Variants in DIAPH1 observed in about 807,000 individuals in gnomAD.
DIAPH1 encodes the protein protein diaphanous homolog 1.
In DIAPH1, 46 loss-of-function variants were observed where a neutral mutation model predicts 140.7. That is an observed-to-expected ratio of 0.33 (90% CI 0.26 to 0.42). The LOEUF is 0.42. Ranked by LOEUF, DIAPH1 falls within the 10% of genes least tolerant of loss-of-function variation. The probability of loss-of-function intolerance (pLI) is 1.00; values close to 1 mark genes in which losing one functional copy is unlikely to be tolerated. For synonymous variants in DIAPH1, 565 were observed against 551.6 expected (o/e 1.02, Z -0.34); for missense variants, 1,310 against 1,558.7 (o/e 0.84, Z 2.69).
chr5:141,537,724 GA>G (rs1050354271), intron 18 of DIAPH1, among the ~76,000 whole-genome samples: 2 of 151,646 alleles, frequency 1.3e-5, no homozygotes, highest in Non-Finnish European at 2.9e-5. Flanking sequence ...GACTTAAATG[GA>G]AAAAAAAGTT....
chr5:141,559,519 G>A (rs2099893190), intron 18 of DIAPH1, among the ~76,000 whole-genome samples: 1 of 152,210 alleles, frequency 6.6e-6, no homozygotes, highest in Non-Finnish European at 1.5e-5. Context: ...AGAACCAGAT[G>A]CTGAGAGTTA....
chr5:141,564,863 A>AC, intron 18 of DIAPH1: 1 of 152,336 alleles, frequency 6.6e-6, no homozygotes, highest in Admixed American at 6.5e-5. Context: ...TAAGAAAGAT[A>AC]ACCCCTGGTG....
At chr5:141,588,909 C>G (rs2099897950) in intron 1 of DIAPH1, 1 of 152,304 alleles carries the variant, frequency 6.6e-6, no homozygotes, top group Non-Finnish European at 1.5e-5. Flanking sequence ...GATCCGCCAT[C>G]TGGATATATT....
At position 141,529,584 on chromosome 5, in the gene DIAPH1, G is replaced by C; in HGVS notation, c.2676+19C>G. 1.9e-6 allele frequency: 3 copies of C among 1,599,944 alleles called. No individual in the cohort carries two copies. The highest frequency in any genetic ancestry group is 2.6e-6 in the Non-Finnish European group (3 of 1,167,070). On this transcript the variant is annotated intron_variant, in intron 20 of 27. Transcript: ENST00000389054. ...CGACACAGAAGAGCCTGCTCCAGCA[G>C]AACCACCTTACTCCTTACCTGGATC...
intron 18 of DIAPH1, chr5:141,561,708 A>T (rs2099893568): frequency 6.6e-6 from 1 of 152,220 alleles, no homozygotes; most frequent in Non-Finnish European, 1.5e-5. Flanking sequence ...ATTTGTTTTT[A>T]ATATGAAACA....
At position 141,527,699 on chromosome 5, in the gene DIAPH1, T is replaced by TAAAAAAAAA. The variant is rs79558427; in HGVS notation, c.3149-11_3149-3dup. 1.5e-4 allele frequency: 174 copies of TAAAAAAAAA among 1,132,390 alleles called. No homozygotes were observed. Among genetic ancestry groups the TAAAAAAAAA allele is most frequent in the East Asian group, 4.7e-4 (13 of 27,514 alleles). 70.1% of individuals were successfully genotyped at this position (1,132,390 alleles called of 1,614,324 possible). ...TCTTTTGCAAGTTTTCAGCAGAAAC[T>TAAAAAAAAA]AAAAAAAAAAAAAAAAAAAAAAACC... On this transcript the variant is annotated splice_polypyrimidine_tract_variant and splice_region_variant and intron_variant, in intron 23 of 27. Coordinates refer to ENST00000389054, the MANE Select transcript of DIAPH1 (RefSeq NM_005219.5).
At chr5:141,526,589 C>T in intron 24 of DIAPH1, 128 bp from the exon 25 acceptor site, 1 of 1,101,104 alleles carries the variant, frequency 9.1e-7, no homozygotes. Flanking sequence ...TTTATAACAG[C>T]AAAAACCAAA....
At chr5:141,595,537 T>C (rs1455960008) in intron 1 of DIAPH1, among the ~76,000 whole-genome samples, 1 of 152,196 alleles carries the variant, frequency 6.6e-6, no homozygotes, top group Non-Finnish European at 1.5e-5. Flanking sequence ...GCTGTTCTCA[T>C]GATATCAAGT....
intron 18 of DIAPH1, 50 bp from the exon 19 acceptor site, chr5:141,534,483 T>G: frequency 6.7e-7 from 1 of 1,483,936 alleles, no homozygotes; most frequent in South Asian, 1.1e-5. Context: ...GCCACCTCTG[T>G]GCTTTACCAA....
At chr5:141,517,913 G>A (rs1318450405) in intron 27 of DIAPH1, among the ~76,000 whole-genome samples, 3 of 152,198 alleles carry the variant, frequency 2.0e-5, no homozygotes, top group Admixed American at 2.0e-4. Flanking sequence ...TATGGCCCCA[G>A]TATCTGCAGC....
chr5:141,618,877 C>G lies in DIAPH1; in HGVS notation c.38G>C (p.Gly13Ala). ...PPGGSLGPGR[G>A]TRDKKKGRSP... is the part of the protein sequence containing the mutation. The stretch of plus-strand genomic sequence containing the variant: ...CCGGCCCTTCTTCTTGTCCCGGGTC[C>G]CGCGGCCGGGCCCCAGGCTCCCGCC... Residue 13 changes from glycine (G) to alanine (A), a missense_variant, in exon 1 of 28, where the codon GGG becomes GCG. This residue lies in a region of DIAPH1 where 377 missense variants were observed against 497.1 expected (regional missense o/e 0.76). Coordinates refer to ENST00000389054, the MANE Select transcript of DIAPH1 (RefSeq NM_005219.5). The G allele has an allele frequency of 6.6e-7, 1 of 1,521,648 alleles. No individual in the cohort carries two copies. Among genetic ancestry groups the G allele is most frequent in the Non-Finnish European group, 8.8e-7 (1 of 1,134,488 alleles). The allele number at this position is 1,521,648 out of a possible 1,614,324, so 94.3% of individuals were successfully genotyped here.
intron 18 of DIAPH1, among the ~76,000 whole-genome samples, chr5:141,554,941 G>C (rs2099892329): frequency 1.3e-5 from 2 of 152,264 alleles, no homozygotes; most frequent in Middle Eastern, 3.4e-3. Context: ...CTTCAGGATG[G>C]TGGGTACTCT....
In DIAPH1 at chr5:141,527,698, C is replaced by CAAAAAAAAAAA; in HGVS notation, c.3149-2_3149-1insTTTTTTTTTTT. On this transcript the variant is annotated splice_acceptor_variant, in intron 23 of 27. Coordinates refer to ENST00000389054, the MANE Select transcript of DIAPH1 (RefSeq NM_005219.5). LOFTEE classifies it high-confidence loss of function. The stretch of plus-strand genomic sequence containing the variant: ...TTCTTTTGCAAGTTTTCAGCAGAAA[C>CAAAAAAAAAAA]TAAAAAAAAAAAAAAAAAAAAAAAC... The CAAAAAAAAAAA allele has an allele frequency of 2.2e-5, 8 of 371,266 alleles. No homozygotes were observed. The highest frequency in any genetic ancestry group is 1.3e-4 in the South Asian group (2 of 15,294). 23.0% of individuals were successfully genotyped at this position (371,266 alleles called of 1,614,324 possible).
rs761914899 is a variant in DIAPH1, at chr5:141,544,680, AC to A, written c.2483-10248del. 3.9e-5 allele frequency among the ~76,000 whole-genome samples: 6 copies of A among 152,330 alleles called. No homozygotes were observed. The East Asian group carries it at 9.6e-4, about 24-fold the overall frequency. ...GGAATTAAACTCATTAGGAATTAAA[AC>A]TACAAAGTCTAACCTTTTAAAATCA... On this transcript the variant is annotated intron_variant, in intron 18 of 27. Coordinates refer to ENST00000389054, the MANE Select transcript of DIAPH1 (RefSeq NM_005219.5).
chr5:141,590,172 T>C lies in DIAPH1; in HGVS notation c.118-1922A>G, dbSNP rs78702924. Among the ~76,000 whole-genome samples the C allele has an allele frequency of 5.0e-3, 767 of 152,362 alleles. 4 individuals carry two copies. Among genetic ancestry groups the C allele is most frequent in the African/African-American group, 0.017 (695 of 41,584 alleles). On this transcript the variant is annotated intron_variant, in intron 1 of 27. Coordinates refer to ENST00000389054, the MANE Select transcript of DIAPH1 (RefSeq NM_005219.5). ...TACATTATTATGTTCACGTTCCCCA[T>C]ATAACACAATTCAGTTCAATCCAGT...
intron 18 of DIAPH1, among the ~76,000 whole-genome samples, chr5:141,555,772 CT>C (rs1449375672): frequency 6.6e-6 from 1 of 152,162 alleles, no homozygotes; most frequent in Non-Finnish European, 1.5e-5. Flanking sequence ...AAGAGAGACC[CT>C]TACACCTAGC....
chr5:141,585,985 T>C (rs953641324), intron 3 of DIAPH1, among the ~76,000 whole-genome samples: 5 of 152,176 alleles, frequency 3.3e-5, no homozygotes, highest in East Asian at 1.9e-4. Context: ...TTTTGAAAAA[T>C]AGAAATATCT....
chr5:141,602,927 T>A (rs1346568077), intron 1 of DIAPH1, among the ~76,000 whole-genome samples: 1 of 152,160 alleles, frequency 6.6e-6, no homozygotes. Context: ...CACCACTTAT[T>A]GGTGCCTGCA....
chr5:141,606,056 T>C (rs1242286073), intron 1 of DIAPH1, among the ~76,000 whole-genome samples: 2 of 152,148 alleles, frequency 1.3e-5, no homozygotes, highest in Non-Finnish European at 2.9e-5. Context: ...CTAGGCCCCA[T>C]GCAAAATGAA....
Sources: allele counts gnomAD v4.1 joint callset (sites outside exome capture counted in the v4.1 genomes callset), GRCh38; gene constraint gnomAD v4.1.1; regional missense constraint gnomAD v4.1.1; transcripts MANE v1.5; gene names NCBI Gene and HGNC (gene_info 2026-07-23, HGNC 2026-07-21).